SUGCT: variants seen among roughly 807,000 people sequenced by gnomAD.
SUGCT encodes the protein succinyl-CoA:glutarate-CoA transferase.
A neutral mutation model predicts 55.0 loss-of-function variants in SUGCT; 41 were observed. The observed-to-expected ratio is 0.74, with a 90% CI of 0.58 to 0.97. The LOEUF (loss-of-function observed/expected upper bound fraction) is 0.97. Ranked by LOEUF, SUGCT falls within the 50% of genes least tolerant of loss-of-function variation. The pLI, the probability that SUGCT is intolerant of heterozygous loss-of-function variation, is 0.00. For synonymous variants in SUGCT, 187 were observed against 200.4 expected, an observed-to-expected ratio of 0.93 and a Z score of 0.56; for missense variants, 568 against 547.8, an observed-to-expected ratio of 1.04 and a Z score of -0.37.
At chr7:41,032,334 T>TG in the SUGCT span, among the ~76,000 whole-genome samples, 6 of 151,544 alleles carry the variant, frequency 4.0e-5, no homozygotes, top group African/African-American at 1.5e-4. Context: ...ACATTTCTCA[T>TG]GTTTTTTTTT....
chr7:40,980,772 C>T, the SUGCT span, among the ~76,000 whole-genome samples: 8 of 152,282 alleles, frequency 5.3e-5, no homozygotes, highest in African/African-American at 1.9e-4. Context: ...TCTCAGCTCA[C>T]TACAACTTCT....
rs144928306 is a variant in SUGCT, at chr7:40,821,385, G to A, written c.1154-38931G>A. Among the ~76,000 whole-genome samples the A allele has an allele frequency of 5.7e-3, 869 of 152,154 alleles. 7 individuals carry two copies. Among genetic ancestry groups the A allele is most frequent in the African/African-American group, 0.02 (819 of 41,522 alleles). ...TCTGGTAGAATTCAGCTGTGAATCC[G>A]TCTGGTCCTGGACTTTTTTTGGTTG... On this transcript the variant is annotated intron_variant, in intron 13 of 13. Transcript: ENST00000335693.
chr7:40,852,523 C>A (rs1282399955), intron 13 of SUGCT, among the ~76,000 whole-genome samples: 1 of 151,560 alleles, frequency 6.6e-6, no homozygotes, highest in African/African-American at 2.4e-5. Context: ...ATAGTCTATA[C>A]CCTGTGCATA....
At chr7:40,953,870 G>A in the SUGCT span, among the ~76,000 whole-genome samples, 1 of 152,232 alleles carries the variant, frequency 6.6e-6, no homozygotes, top group Non-Finnish European at 1.5e-5. Context: ...CTATTGGGGG[G>A]TGCCTCCCAG....
intron 9 of SUGCT, among the ~76,000 whole-genome samples, chr7:40,344,546 A>C (rs999673869): frequency 6.6e-6 from 1 of 152,266 alleles, no homozygotes; most frequent in Non-Finnish European, 1.5e-5. Flanking sequence ...AACCACAGGC[A>C]TACTCACTTG....
At chr7:40,598,032 T>A (rs2151747611) in intron 12 of SUGCT, among the ~76,000 whole-genome samples, 1 of 152,288 alleles carries the variant, frequency 6.6e-6, no homozygotes, top group Admixed American at 6.5e-5. Context: ...TGCTTCTGCC[T>A]TTTCTCCATC....
intron 8 of SUGCT, among the ~76,000 whole-genome samples, chr7:40,308,379 TA>T (rs1282287187): frequency 6.6e-6 from 1 of 152,184 alleles, no homozygotes; most frequent in African/African-American, 2.4e-5. Flanking sequence ...TTAACATACT[TA>T]ATCTCCTTGG....
At chr7:40,998,228 C>G in the SUGCT span, among the ~76,000 whole-genome samples, 5 of 152,060 alleles carry the variant, frequency 3.3e-5, no homozygotes, top group Admixed American at 6.6e-5. Context: ...ATAAATTAGC[C>G]TGGCATGGTG....
At chr7:40,545,404 T>C (rs1683282423) in intron 12 of SUGCT, among the ~76,000 whole-genome samples, 1 of 152,210 alleles carries the variant, frequency 6.6e-6, no homozygotes, top group African/African-American at 2.4e-5. Flanking sequence ...ACTGGTTTAA[T>C]ATAGTTCTGT....
chr7:40,981,395 A>G, the SUGCT span, among the ~76,000 whole-genome samples: 1 of 152,134 alleles, frequency 6.6e-6, no homozygotes, highest in African/African-American at 2.4e-5. Context: ...CTTTGCTGGT[A>G]TAATCTCATC....
At chr7:40,333,836 G>A (rs548852824) in intron 9 of SUGCT, among the ~76,000 whole-genome samples, 2 of 149,986 alleles carry the variant, frequency 1.3e-5, no homozygotes, top group Non-Finnish European at 1.5e-5. Flanking sequence ...ATGTGCCATG[G>A]TGGTGTGCTG....
At chr7:40,733,332 T>C (rs1363422749) in intron 12 of SUGCT, among the ~76,000 whole-genome samples, 5 of 152,208 alleles carry the variant, frequency 3.3e-5, no homozygotes, top group Middle Eastern at 3.2e-3. Context: ...GTGACCCTGC[T>C]CTACTTATCA....
intron 12 of SUGCT, among the ~76,000 whole-genome samples, chr7:40,665,751 CT>C (rs1024602729): frequency 6.6e-6 from 1 of 151,916 alleles, no homozygotes; most frequent in African/African-American, 2.4e-5. Flanking sequence ...GAAGACAAGT[CT>C]TTTAAGAGTC....
chr7:40,154,262 T>C (rs574010980), intron 1 of SUGCT: 4 of 156,112 alleles, frequency 2.6e-5, no homozygotes, highest in East Asian at 1.9e-4. Context: ...AAAAGTGCAG[T>C]GTGCACTCTT....
At chr7:40,975,787 G>A in the SUGCT span, among the ~76,000 whole-genome samples, 1 of 152,198 alleles carries the variant, frequency 6.6e-6, no homozygotes, top group African/African-American at 2.4e-5. Flanking sequence ...GAAGAACTGG[G>A]TTTAGAATGT....
chr7:40,967,094 A>G, the SUGCT span: 7 of 152,210 alleles, frequency 4.6e-5, no homozygotes, highest in African/African-American at 1.7e-4. Context: ...TCTGTAAAGC[A>G]CAACTTAGGT....
At chr7:41,024,347 T>G in the SUGCT span, among the ~76,000 whole-genome samples, 1 of 152,144 alleles carries the variant, frequency 6.6e-6, no homozygotes, top group Non-Finnish European at 1.5e-5. Flanking sequence ...ATGATTAATC[T>G]AACTACGTTA....
At chr7:40,958,202 T>G in the SUGCT span, among the ~76,000 whole-genome samples, 4 of 152,248 alleles carry the variant, frequency 2.6e-5, no homozygotes, top group East Asian at 7.8e-4. Flanking sequence ...ATTTGAATGT[T>G]GGCCTGTCTT....
At chr7:40,768,708 T>C (rs965520417) in intron 13 of SUGCT, among the ~76,000 whole-genome samples, 1 of 152,268 alleles carries the variant, frequency 6.6e-6, no homozygotes, top group Admixed American at 6.5e-5. Context: ...GTTTGCCATA[T>C]TGCAATCCAA....
Sources: allele counts gnomAD v4.1 joint callset (sites outside exome capture counted in the v4.1 genomes callset), GRCh38; gene constraint gnomAD v4.1.1; transcripts MANE v1.5; gene names NCBI Gene and HGNC (gene_info 2026-07-23, HGNC 2026-07-21).